Variants in TLL2 observed in about 807,000 individuals in gnomAD.
TLL2 encodes the protein tolloid like 2, also known as tolloid-like protein 2.
In TLL2, 106 loss-of-function variants were observed where a neutral mutation model predicts 123.0. The observed-to-expected ratio is 0.86, with a 90% CI of 0.74 to 1.01. TLL2 has a LOEUF of 1.01. Among genes scored for constraint, TLL2 ranks in the 50% least tolerant of loss-of-function variants. TLL2 has a pLI of 0.00. For synonymous variants in TLL2, 494 were observed against 516.8 expected, an observed-to-expected ratio of 0.96 and a Z score of 0.60; for missense variants, 1,332 against 1,336.7, an observed-to-expected ratio of 1.00 and a Z score of 0.06.
At chr10:96,458,764 C>T (rs750018969) in intron 2 of TLL2, among the ~76,000 whole-genome samples, 7 of 151,942 alleles carry the variant, frequency 4.6e-5, no homozygotes, top group Non-Finnish European at 7.4e-5. Flanking sequence ...GAGCAAGACT[C>T]TGTCAAAAAA....
At chr10:96,466,719 A>G (rs1847135404) in intron 2 of TLL2, among the ~76,000 whole-genome samples, 1 of 152,252 alleles carries the variant, frequency 6.6e-6, no homozygotes, top group Non-Finnish European at 1.5e-5. Flanking sequence ...CTGGCTAGAT[A>G]TGATCTAAGC....
intron 1 of TLL2, among the ~76,000 whole-genome samples, chr10:96,481,907 GA>G (rs1564916246): frequency 6.6e-6 from 1 of 152,180 alleles, no homozygotes; most frequent in Non-Finnish European, 1.5e-5. Context: ...AGAGGTTGAT[GA>G]AAATTCAGCA....
Position 96,378,904 on chromosome 10 carries a change from A to G in TLL2, c.2320+63T>C. The G allele has an allele frequency of 1.9e-6, 3 of 1,598,374 alleles. No individual in the cohort carries two copies. The South Asian group carries it at 3.3e-5, about 18-fold the overall frequency. On this transcript the variant is annotated intron_variant, in intron 17 of 20. Transcript: ENST00000357947. ...CACCTCCTTACTCATGCACATGCAC[A>G]CAGGGGCATGGGGTGCGGCGAAGGG...
intron 17 of TLL2, among the ~76,000 whole-genome samples, chr10:96,378,112 C>T (rs1055781738): frequency 5.9e-5 from 9 of 152,262 alleles, no homozygotes; most frequent in Non-Finnish European, 5.9e-5. Flanking sequence ...GCCACCTCCT[C>T]CTGAAGATGT....
At chr10:96,428,415 G>A (rs1244284214) in intron 5 of TLL2, among the ~76,000 whole-genome samples, 1 of 152,170 alleles carries the variant, frequency 6.6e-6, no homozygotes, top group Non-Finnish European at 1.5e-5. Flanking sequence ...TCTAGTGCCA[G>A]TACCCCTGGT....
chr10:96,374,961 CGGGGGG>C (rs558884195), intron 18 of TLL2, among the ~76,000 whole-genome samples: 9 of 64,296 alleles, frequency 1.4e-4, no homozygotes, highest in African/African-American at 5.8e-4. Flanking sequence ...ACATTAGTTG[CGGGGGG>C]GGGGGGGGGG....
At chr10:96,461,763 A>T (rs771279727) in intron 2 of TLL2, among the ~76,000 whole-genome samples, 41 of 152,258 alleles carry the variant, frequency 2.7e-4, no homozygotes, top group Non-Finnish European at 5.4e-4. Flanking sequence ...TCATGCATTA[A>T]TTCCCTCATT....
At chr10:96,499,934 G>A (rs1034421325) in intron 1 of TLL2, among the ~76,000 whole-genome samples, 5 of 151,742 alleles carry the variant, frequency 3.3e-5, no homozygotes, top group African/African-American at 7.3e-5. Context: ...AACCAGCAAC[G>A]GTTTTTTAAA....
At position 96,513,726 on chromosome 10, in the gene TLL2, C is replaced by A; in HGVS notation, c.-41G>T. The A allele has an allele frequency of 6.9e-7, 1 of 1,450,294 alleles. No homozygotes were observed. The highest frequency in any genetic ancestry group is 9.0e-7 in the Non-Finnish European group (1 of 1,106,030). The allele number at this position is 1,450,294 out of a possible 1,614,324, so 89.8% of individuals were successfully genotyped here. A position where few individuals can be genotyped will look rare whatever the true frequency, so the allele number is the denominator to read the frequency against. On this transcript the variant is annotated 5_prime_UTR_variant, in exon 1 of 21. Coordinates refer to ENST00000357947, the MANE Select transcript of TLL2 (RefSeq NM_012465.4). ...GCTGGGGCAGAGGGAGTTGCGTGCA[C>A]GAAAGCTCAGCTCGGCCGAAAGACG...
intron 1 of TLL2, among the ~76,000 whole-genome samples, chr10:96,511,210 C>T (rs1414724609): frequency 2.6e-5 from 4 of 152,308 alleles, no homozygotes; most frequent in South Asian, 2.1e-4. Flanking sequence ...TAAAGGTTTG[C>T]CTTAAATATG....
rs1846903098 is a variant in TLL2 at position 96,447,097 on chromosome 10, G to C, written c.287-929C>G. Among the ~76,000 whole-genome samples the C allele has an allele frequency of 2.0e-5, 3 of 152,246 alleles. No homozygotes were observed. In the South Asian group the frequency reaches 6.2e-4, roughly 32 times the overall value. On this transcript the variant is annotated intron_variant, in intron 2 of 20. Transcript: ENST00000357947. ...GGCCTCAGGTAGGTGGGATGGCAGT[G>C]AGATCTGAAAGGCAGGAATGATCTG...
chr10:96,482,395 T>C (rs2134105423), intron 1 of TLL2, among the ~76,000 whole-genome samples: 1 of 152,378 alleles, frequency 6.6e-6, no homozygotes, highest in South Asian at 2.1e-4. Context: ...GGCAGCCTTC[T>C]TTCTAATAGC....
intron 20 of TLL2, 35 bp from the exon 21 acceptor site, chr10:96,368,257 T>C (rs1394781516): frequency 1.2e-6 from 2 of 1,607,624 alleles, no homozygotes; most frequent in Non-Finnish European, 1.7e-6. Context: ...AGAAGGACTT[T>C]AGCTGTGATT....
intron 2 of TLL2, among the ~76,000 whole-genome samples, chr10:96,450,196 TGGATGGAC>T (rs1351179649): frequency 1.3e-5 from 2 of 151,750 alleles, no homozygotes; most frequent in African/African-American, 4.9e-5. Context: ...GATGGATGGA[TGGATGGAC>T]ATACGAGTCA....
intron 1 of TLL2, among the ~76,000 whole-genome samples, chr10:96,496,733 T>G (rs1847479852): frequency 6.6e-6 from 1 of 152,278 alleles, no homozygotes; most frequent in African/African-American, 2.4e-5. Context: ...AAAAGAAAAA[T>G]TAGCCACAAG....
chr10:96,407,186 C>T (rs1253066088), intron 9 of TLL2, among the ~76,000 whole-genome samples: 1 of 152,130 alleles, frequency 6.6e-6, no homozygotes, highest in Non-Finnish European at 1.5e-5. Flanking sequence ...TTCCACACCC[C>T]CAGAGCCTGT....
chr10:96,449,707 A>T (rs1589425381), intron 2 of TLL2, among the ~76,000 whole-genome samples: 2 of 152,040 alleles, frequency 1.3e-5, no homozygotes. Flanking sequence ...TCCACAAGGT[A>T]CCTCAAGCCT....
At chr10:96,411,769 C>T (rs1386761252) in intron 8 of TLL2, among the ~76,000 whole-genome samples, 1 of 152,184 alleles carries the variant, frequency 6.6e-6, no homozygotes, top group African/African-American at 2.4e-5. Context: ...TCAGTTACTG[C>T]TCGGAACTAC....
In TLL2 at chr10:96,397,317, A is replaced by G. The variant is rs1846352037; in HGVS notation, c.1268-15T>C. The G allele has an allele frequency of 6.2e-7, 1 of 1,607,030 alleles. No individual in the cohort carries two copies. The highest frequency in any genetic ancestry group is 8.5e-7 in the Non-Finnish European group (1 of 1,175,898). ...ACAAAACCTGCCTGGAAAGTGGAAA[A>G]AGAAGCAGTTAGGAGCCCTGGGGAC... is the stretch of plus-strand genomic sequence containing the variant. On this transcript the variant is annotated splice_polypyrimidine_tract_variant and intron_variant, in intron 10 of 20. Transcript: ENST00000357947.
Sources: gnomAD v4.1 joint callset for allele counts (sites outside exome capture counted in the v4.1 genomes callset) on GRCh38, gnomAD v4.1.1 for gene constraint, MANE v1.5 for transcripts, NCBI Gene and HGNC (gene_info 2026-07-23, HGNC 2026-07-21) for gene names.